GALNT13: variants seen among roughly 807,000 people sequenced by gnomAD.
GALNT13 encodes the protein polypeptide N-acetylgalactosaminyltransferase 13.
GALNT13 carries 28 observed loss-of-function variants against 64.2 expected under a neutral mutation model. The observed-to-expected ratio is 0.44, with a 90% confidence interval of 0.32 to 0.60. GALNT13 has a LOEUF of 0.60. GALNT13 is among the 20% of genes least tolerant of loss of function. The probability of loss-of-function intolerance (pLI) is 0.05; values close to 1 mark genes in which losing one functional copy is unlikely to be tolerated. For synonymous variants in GALNT13, 214 were observed against 224.6 expected (o/e 0.95, Z 0.42); for missense variants, 577 against 669.8 (o/e 0.86, Z 1.53).
chr2:154,206,731 C>T (rs1028442354), intron 4 of GALNT13, among the ~76,000 whole-genome samples: 1 of 151,542 alleles, frequency 6.6e-6, no homozygotes, highest in Non-Finnish European at 1.5e-5. Context: ...TTGCAGTGAG[C>T]CGAGATTGCC....
chr2:153,551,982 A>C, the GALNT13 span, among the ~76,000 whole-genome samples: 1 of 152,182 alleles, frequency 6.6e-6, no homozygotes, highest in Admixed American at 6.5e-5. Flanking sequence ...TGGAACCTCA[A>C]AAGGAGAGGT....
the GALNT13 span, among the ~76,000 whole-genome samples, chr2:153,093,525 C>T: frequency 2.0e-5 from 3 of 152,068 alleles, no homozygotes; most frequent in Non-Finnish European, 4.4e-5. Context: ...AGGCATGAGC[C>T]ACCGTGTGTG....
the GALNT13 span, among the ~76,000 whole-genome samples, chr2:153,588,671 G>T: frequency 6.6e-6 from 1 of 152,198 alleles, no homozygotes; most frequent in African/African-American, 2.4e-5. Context: ...TGTCCCTATT[G>T]TCTTGGGGAT....
the GALNT13 span, among the ~76,000 whole-genome samples, chr2:153,228,591 G>C: frequency 6.6e-6 from 1 of 152,182 alleles, no homozygotes; most frequent in East Asian, 1.9e-4. Context: ...TAAGAATGTA[G>C]ATACGAGGCA....
At chr2:153,402,274 G>A in the GALNT13 span, among the ~76,000 whole-genome samples, 56,906 of 151,474 alleles carry the variant, frequency 0.38, 11,508 homozygotes, top group African/African-American at 0.53. Context: ...CTTCTGGCTT[G>A]TAGGGTCTCT....
At chr2:153,433,150 T>C in the GALNT13 span, among the ~76,000 whole-genome samples, 1 of 152,198 alleles carries the variant, frequency 6.6e-6, no homozygotes, top group East Asian at 1.9e-4. Context: ...AGAGACTATT[T>C]ATTCTAAGAA....
intron 6 of GALNT13, 55 bp downstream of exon 6, chr2:154,242,960 T>C: frequency 1.5e-6 from 2 of 1,340,378 alleles, no homozygotes; most frequent in Non-Finnish European, 2.1e-6. Context: ...CTTAGGACAG[T>C]TCCAGATGTC....
At chr2:153,106,151 A>G in the GALNT13 span, among the ~76,000 whole-genome samples, 2 of 152,194 alleles carry the variant, frequency 1.3e-5, no homozygotes, top group African/African-American at 4.8e-5. Context: ...TACTTTTGAC[A>G]GTTGAGCTCT....
At chr2:153,501,952 G>T in the GALNT13 span, among the ~76,000 whole-genome samples, 1 of 152,158 alleles carries the variant, frequency 6.6e-6, no homozygotes, top group Non-Finnish European at 1.5e-5. Flanking sequence ...TGAACTCACG[G>T]AGGGGCAGAG....
the GALNT13 span, among the ~76,000 whole-genome samples, chr2:153,585,969 T>C: frequency 6.6e-6 from 1 of 151,980 alleles, no homozygotes; most frequent in Non-Finnish European, 1.5e-5. Flanking sequence ...TGATAAGAAA[T>C]AGTCAAAGGA....
the GALNT13 span, among the ~76,000 whole-genome samples, chr2:153,156,747 A>G: frequency 0.72 from 109,438 of 152,010 alleles, 39,787 homozygotes; most frequent in East Asian, 0.84. Context: ...CAAACCCTGG[A>G]CTAGGTGTTT....
At chr2:154,300,737 T>G (rs2105093976) in intron 8 of GALNT13, among the ~76,000 whole-genome samples, 1 of 152,248 alleles carries the variant, frequency 6.6e-6, no homozygotes, top group South Asian at 2.1e-4. Context: ...CTAAGAAATA[T>G]ATGGTATATT....
At chr2:153,629,364 C>A in the GALNT13 span, among the ~76,000 whole-genome samples, 1 of 151,806 alleles carries the variant, frequency 6.6e-6, no homozygotes, top group African/African-American at 2.4e-5. Flanking sequence ...ACTATCTGAT[C>A]TTTGACAAAC....
chr2:153,298,767 T>G, the GALNT13 span, among the ~76,000 whole-genome samples: 197 of 152,214 alleles, frequency 1.3e-3, 5 homozygotes, highest in East Asian at 0.035. Context: ...AGGAATAACT[T>G]ATGAAAACCT....
At chr2:154,378,658 C>T (rs1490753936) in intron 9 of GALNT13, among the ~76,000 whole-genome samples, 1 of 152,034 alleles carries the variant, frequency 6.6e-6, no homozygotes, top group Non-Finnish European at 1.5e-5. Context: ...TCTCACATTC[C>T]TCCCCTCCCG....
the GALNT13 span, among the ~76,000 whole-genome samples, chr2:153,399,316 G>A: frequency 1.3e-5 from 2 of 152,144 alleles, no homozygotes; most frequent in African/African-American, 4.8e-5. Flanking sequence ...ACGCTGTTTT[G>A]GTTACTGTAG....
At chr2:154,187,991 G>A (rs1231936736) in intron 4 of GALNT13, among the ~76,000 whole-genome samples, 2 of 150,546 alleles carry the variant, frequency 1.3e-5, no homozygotes, top group African/African-American at 4.9e-5. Context: ...GAAAAGAGTA[G>A]TGATGTAGCT....
At chr2:154,111,645 T>A (rs1702992202) in intron 3 of GALNT13, among the ~76,000 whole-genome samples, 1 of 152,118 alleles carries the variant, frequency 6.6e-6, no homozygotes, top group Non-Finnish European at 1.5e-5. Context: ...TCACTAGAGG[T>A]GATGGTCAGT....
At chr2:153,828,521 G>A in the GALNT13 span, among the ~76,000 whole-genome samples, 40 of 152,236 alleles carry the variant, frequency 2.6e-4, no homozygotes, top group Admixed American at 1.8e-3. Context: ...TTGTAGCCAC[G>A]GCTGGAGTGG....
Sources: gnomAD v4.1 joint callset for allele counts (sites outside exome capture counted in the v4.1 genomes callset) on GRCh38, gnomAD v4.1.1 for gene constraint, MANE v1.5 for transcripts, NCBI Gene and HGNC (gene_info 2026-07-23, HGNC 2026-07-21) for gene names.